Variants in RASA3 observed in about 807,000 individuals in gnomAD.
RASA3 encodes the protein RAS p21 protein activator 3.
Under a neutral mutation model 110.0 loss-of-function variants are expected in RASA3, and 73 were observed. The observed-to-expected ratio is 0.66, with a 90% CI of 0.55 to 0.81. RASA3 has a LOEUF of 0.81. Among genes scored for constraint, RASA3 ranks in the 30% least tolerant of loss-of-function variants. The pLI, the probability that RASA3 is intolerant of heterozygous loss-of-function variation, is 0.00. For missense variants in RASA3, 976 were observed against 1,113.2 expected (o/e 0.88, Z 1.75); for synonymous variants, 500 against 451.4 (o/e 1.11, Z -1.37).
intron 2 of RASA3, among the ~76,000 whole-genome samples, chr13:114,064,276 C>T (rs9525367): frequency 0.081 from 12,310 of 152,256 alleles, 1,045 homozygotes; most frequent in African/African-American, 0.2. Flanking sequence ...GAATGGCCTA[C>T]GCCCCATGTC....
At chr13:114,047,410 G>A (rs750539627) in intron 3 of RASA3, among the ~76,000 whole-genome samples, 3 of 152,302 alleles carry the variant, frequency 2.0e-5, no homozygotes, top group Middle Eastern at 3.4e-3. Context: ...CCTAAGGGCC[G>A]GGCAGGATGC....
At chr13:114,062,221 G>C (rs1214660068) in intron 2 of RASA3, among the ~76,000 whole-genome samples, 5 of 149,056 alleles carry the variant, frequency 3.4e-5, no homozygotes, top group Non-Finnish European at 7.4e-5. Flanking sequence ...TTTTAATTTT[G>C]TTTGCTTTAA....
At chr13:114,019,625 C>A (rs2053873341) in intron 9 of RASA3, among the ~76,000 whole-genome samples, 1 of 149,666 alleles carries the variant, frequency 6.7e-6, no homozygotes, top group East Asian at 2.0e-4. Flanking sequence ...GACATTAGCA[C>A]CCCTGTCAGG....
At chr13:114,092,846 G>A (rs533313607) in intron 1 of RASA3, among the ~76,000 whole-genome samples, 2 of 152,130 alleles carry the variant, frequency 1.3e-5, no homozygotes, top group African/African-American at 2.4e-5. Flanking sequence ...GGGTGCTCTG[G>A]TACTGGGTGC....
intron 22 of RASA3, 141 bp downstream of exon 22, chr13:113,992,344 C>T (rs1042997913): frequency 7.5e-5 from 43 of 573,650 alleles, no homozygotes; most frequent in Middle Eastern, 4.1e-4. Context: ...CGCATCCATC[C>T]GTGCTACAAA....
intron 2 of RASA3, among the ~76,000 whole-genome samples, chr13:114,066,643 G>C (rs1290657649): frequency 2.6e-5 from 4 of 152,194 alleles, no homozygotes; most frequent in Non-Finnish European, 5.9e-5. Context: ...CACAGAATAC[G>C]AGCAACCTCA....
intron 7 of RASA3, 137 bp from the exon 8 acceptor site, chr13:114,024,492 G>GGCGGGAT: frequency 2.6e-6 from 2 of 774,794 alleles, no homozygotes; most frequent in Non-Finnish European, 4.4e-6. Flanking sequence ...GAAGGCGCCA[G>GGCGGGAT]GCGGGATTCG....
At chr13:114,036,826 C>T (rs957112495) in intron 4 of RASA3, among the ~76,000 whole-genome samples, 4 of 152,094 alleles carry the variant, frequency 2.6e-5, no homozygotes, top group African/African-American at 4.8e-5. Context: ...CATGAGCCAC[C>T]GCGCCCAGCC....
intron 4 of RASA3, among the ~76,000 whole-genome samples, chr13:114,034,375 C>A (rs1471831455): frequency 6.6e-6 from 1 of 152,252 alleles, no homozygotes; most frequent in Non-Finnish European, 1.5e-5. Context: ...GTCACGACTG[C>A]ATGTGGGGGG....
chr13:114,066,989 G>A (rs2079464329), intron 2 of RASA3, among the ~76,000 whole-genome samples: 1 of 148,364 alleles, frequency 6.7e-6, no homozygotes, highest in South Asian at 2.2e-4. Flanking sequence ...TACCTGGGCT[G>A]AGGACGGGCC....
At chr13:114,122,926 AGG>A (rs2080397557) in intron 1 of RASA3, among the ~76,000 whole-genome samples, 1 of 152,162 alleles carries the variant, frequency 6.6e-6, no homozygotes, top group Non-Finnish European at 1.5e-5. Context: ...AGGAAGGAAA[AGG>A]CCGCGGCAGC....
intron 22 of RASA3, 146 bp from the exon 23 acceptor site, chr13:113,982,004 C>T (rs893947882): frequency 2.6e-5 from 18 of 703,282 alleles, no homozygotes; most frequent in African/African-American, 1.3e-4. Flanking sequence ...CACTCGTAAA[C>T]GCAGACGGAG....
chr13:114,090,797 A>G (rs1391202335), intron 1 of RASA3, among the ~76,000 whole-genome samples: 1 of 152,226 alleles, frequency 6.6e-6, no homozygotes, highest in Admixed American at 6.5e-5. Context: ...AAAGAACGCC[A>G]GTTCCCTTTT....
At chr13:114,099,996 T>C in intron 1 of RASA3, among the ~76,000 whole-genome samples, 1 of 114,304 alleles carries the variant, frequency 8.7e-6, no homozygotes, top group Non-Finnish European at 1.8e-5. Flanking sequence ...TTTATCTCCT[T>C]AACTCTAATG....
At chr13:114,088,637 C>T (rs558686411) in intron 1 of RASA3, among the ~76,000 whole-genome samples, 2 of 152,146 alleles carry the variant, frequency 1.3e-5, no homozygotes, top group South Asian at 2.1e-4. Flanking sequence ...CGGCAACCTC[C>T]GCCTCCCAGG....
chr13:114,132,589 G>T lies in RASA3; in HGVS notation c.-100C>A. 1 of 1,056,630 alleles carries T rather than the reference G, an allele frequency of 9.5e-7. No individual in the cohort carries two copies. The highest frequency in any genetic ancestry group is 1.2e-6 in the Non-Finnish European group (1 of 840,088). 65.5% of individuals were successfully genotyped at this position (1,056,630 alleles called of 1,614,324 possible). A position where few individuals can be genotyped will look rare whatever the true frequency, so the allele number is the denominator to read the frequency against. On this transcript the variant is annotated 5_prime_UTR_variant, in exon 1 of 24. Coordinates refer to ENST00000334062, the MANE Select transcript of RASA3 (RefSeq NM_007368.4). ...GCGGCGGCGCCGGAGCCCCGAGCGC[G>T]GCCGAGGGTCCGCCCGCCTGCAAGA...
chr13:114,000,782 A>G, intron 19 of RASA3, 44 bp downstream of exon 19: 1 of 1,396,666 alleles, frequency 7.2e-7, no homozygotes, highest in Non-Finnish European at 1.0e-6. Flanking sequence ...CCCAGGGCCC[A>G]GCACGCTCCA....
intron 2 of RASA3, among the ~76,000 whole-genome samples, chr13:114,060,279 A>C (rs541158922): frequency 6.6e-6 from 1 of 152,296 alleles, no homozygotes; most frequent in South Asian, 2.1e-4. Flanking sequence ...CAGAGCAGAC[A>C]TTTCACCACA....
At chr13:114,054,978 A>G (rs1209603981) in intron 2 of RASA3, among the ~76,000 whole-genome samples, 1 of 136,358 alleles carries the variant, frequency 7.3e-6, no homozygotes, top group Non-Finnish European at 1.6e-5. Context: ...GTGTGTGCCC[A>G]TGGGTGTGTG....
Sources: allele counts gnomAD v4.1 joint callset (sites outside exome capture counted in the v4.1 genomes callset), GRCh38; gene constraint gnomAD v4.1.1; transcripts MANE v1.5; gene names NCBI Gene and HGNC (gene_info 2026-07-23, HGNC 2026-07-21).